Variants in RNF17 observed in about 807,000 individuals in gnomAD.
RNF17 encodes spermatogenesis associated 23.
RNF17 carries 31 observed loss-of-function variants against 200.5 expected under a neutral mutation model. That is an observed-to-expected ratio of 0.15 (90% CI 0.12 to 0.21). The LOEUF (loss-of-function observed/expected upper bound fraction) is 0.21, where lower values mean the gene tolerates loss of function less well. RNF17 is among the 10% of genes least tolerant of loss of function. The pLI is 1.00. For synonymous variants in RNF17, 606 were observed against 637.8 expected, an observed-to-expected ratio of 0.95 and a Z score of 0.75; for missense variants, 1,628 against 1,905.1, an observed-to-expected ratio of 0.85 and a Z score of 2.71.
intron 16 of RNF17, 161 bp downstream of exon 16, chr13:24,825,933 C>A (rs1191420881): frequency 1.0e-6 from 1 of 981,492 alleles, no homozygotes; most frequent in African/African-American, 1.8e-5. Flanking sequence ...AAAGGTGAAT[C>A]TATCTTCTGA....
At chr13:24,799,154 A>G (rs1884954206) in intron 11 of RNF17, among the ~76,000 whole-genome samples, 1 of 152,148 alleles carries the variant, frequency 6.6e-6, no homozygotes, top group Non-Finnish European at 1.5e-5. Context: ...GCTGGTTGTC[A>G]TTAAGTGACT....
At chr13:24,855,344 C>A (rs1892355645) in intron 25 of RNF17, among the ~76,000 whole-genome samples, 1 of 151,846 alleles carries the variant, frequency 6.6e-6, no homozygotes, top group Non-Finnish European at 1.5e-5. Context: ...AATTGGTAAT[C>A]ATTGGCCAGG....
rs769722259 is a variant in RNF17 at position 24,789,720 on chromosome 13, A to G, written c.883A>G (p.Ile295Val). 5.6e-6 allele frequency: 9 copies of G among 1,597,812 alleles called. No homozygotes were observed. The East Asian group carries it at 1.6e-4, about 28-fold the overall frequency. The change falls in exon 9 of 36, where the codon ATC becomes GTC. Residue 295 changes from isoleucine (I) to valine (V), a missense_variant. By Grantham distance (29) the Ile-to-Val change is conservative (BLOSUM62 3). This residue lies in a region of RNF17 where 502 missense variants were observed against 501.7 expected (regional missense o/e 1.00). Transcript: ENST00000255324. ...PPRLSVNCSE[I>V]ICMFNNMGKI... ...TAGGTTGAGTGTGAATTGCAGTGAG[A>G]TCATCTGTATGTTCAACAATATGGG... is the stretch of plus-strand genomic sequence containing the variant.
At chr13:24,805,695 A>C (rs1283183787) in intron 15 of RNF17, among the ~76,000 whole-genome samples, 1 of 152,178 alleles carries the variant, frequency 6.6e-6, no homozygotes, top group Admixed American at 6.5e-5. Flanking sequence ...CTCTGCTTTC[A>C]GTTCCTCTGG....
chr13:24,882,079 GATACATCTAT>G (rs1414159760), downstream of RNF17, among the ~76,000 whole-genome samples: 2 of 20,612 alleles, frequency 9.7e-5, no homozygotes, highest in Non-Finnish European at 2.2e-4. Flanking sequence ...TAGATATATA[GATACATCTAT>G]ATATATAGAT....
intron 1 of RNF17, among the ~76,000 whole-genome samples, chr13:24,764,585 G>A (rs1482330691): frequency 6.6e-6 from 1 of 152,250 alleles, no homozygotes; most frequent in African/African-American, 2.4e-5. Flanking sequence ...CTCCAGCCGG[G>A]AGGATGGGGG....
chr13:24,793,017 C>A, intron 9 of RNF17, 25 bp from the exon 10 acceptor site: 1 of 1,444,726 alleles, frequency 6.9e-7, no homozygotes, highest in Non-Finnish European at 9.5e-7. Flanking sequence ...GTATTCATAG[C>A]TTATATCTCT....
intron 13 of RNF17, among the ~76,000 whole-genome samples, chr13:24,801,750 G>A (rs548929004): frequency 2.0e-5 from 3 of 151,950 alleles, no homozygotes; most frequent in Non-Finnish European, 2.9e-5. Context: ...TTTATTTTAG[G>A]CATACCTATA....
chr13:24,762,117 C>A (rs557201274), upstream of RNF17, among the ~76,000 whole-genome samples: 2 of 152,162 alleles, frequency 1.3e-5, no homozygotes, highest in South Asian at 4.2e-4. Context: ...GCCTGTAATC[C>A]TAGCACTTTG....
intron 15 of RNF17, 100 bp downstream of exon 15, chr13:24,804,529 A>G (rs185411765): frequency 8.4e-6 from 7 of 838,002 alleles, no homozygotes; most frequent in African/African-American, 3.4e-5. Flanking sequence ...AGTCAGAGCA[A>G]ACGTACCACT....
At chr13:24,785,375 TC>T (rs1462010505) in intron 6 of RNF17, among the ~76,000 whole-genome samples, 1 of 152,240 alleles carries the variant, frequency 6.6e-6, no homozygotes, top group Non-Finnish European at 1.5e-5. Context: ...TTATGAATCT[TC>T]CGGGGTTTTT....
At chr13:24,822,450 C>T (rs1888179642) in intron 15 of RNF17, among the ~76,000 whole-genome samples, 2 of 151,306 alleles carry the variant, frequency 1.3e-5, no homozygotes. Flanking sequence ...GAGATGGAGT[C>T]TCACTGTGTG....
chr13:24,862,320 G>T lies in RNF17; in HGVS notation c.3895-393G>T, dbSNP rs191383938. Among the ~76,000 whole-genome samples, 567 of 152,318 alleles carry T rather than the reference G, an allele frequency of 3.7e-3. 2 individuals carry two copies. Among genetic ancestry groups the T allele is most frequent in the South Asian group, 0.014 (69 of 4,824 alleles). On this transcript the variant is annotated intron_variant, in intron 27 of 35. Transcript: ENST00000255324. ...GGCAGGAAGCCTCACTTCTCACCAT[G>T]TGAACCTCTCAACGCATAAAGACGC...
intron 1 of RNF17, among the ~76,000 whole-genome samples, chr13:24,764,885 TG>T (rs200365898): frequency 1.0e-5 from 1 of 99,600 alleles, no homozygotes; most frequent in Non-Finnish European, 2.0e-5. Context: ...GTGCACCTTG[TG>T]GGGTGTGTGT....
chr13:24,850,754 C>A (rs1351629157), intron 23 of RNF17, among the ~76,000 whole-genome samples: 1 of 151,798 alleles, frequency 6.6e-6, no homozygotes, highest in Non-Finnish European at 1.5e-5. Context: ...TTTTGTAGTT[C>A]TTTTGCTTTT....
chr13:24,885,616 T>C, the RNF17 span: 2 of 1,609,516 alleles, frequency 1.2e-6, no homozygotes, highest in African/African-American at 2.7e-5. Context: ...TTGTCCCTTA[T>C]CCAAATTGCC....
intron 4 of RNF17, among the ~76,000 whole-genome samples, 181 bp downstream of exon 4, chr13:24,778,587 G>A (rs1881907846): frequency 6.6e-6 from 1 of 152,150 alleles, no homozygotes; most frequent in African/African-American, 2.4e-5. Flanking sequence ...TTCTTCCAAG[G>A]CAGCCTGTTC....
At chr13:24,754,020 T>G in the RNF17 span, among the ~76,000 whole-genome samples, 3 of 151,900 alleles carry the variant, frequency 2.0e-5, no homozygotes, top group African/African-American at 4.8e-5. Context: ...TAGCCAGGTG[T>G]CGTGATGGGT....
chr13:24,759,079 C>CAAAAAAA, the RNF17 span, among the ~76,000 whole-genome samples: 6 of 65,346 alleles, frequency 9.2e-5, no homozygotes, highest in Admixed American at 2.0e-4. Flanking sequence ...ACTGTGTCTC[C>CAAAAAAA]AAAAAAAAAA....
Sources: allele counts gnomAD v4.1 joint callset (sites outside exome capture counted in the v4.1 genomes callset), GRCh38; gene constraint gnomAD v4.1.1; regional missense constraint gnomAD v4.1.1; transcripts MANE v1.5; gene names NCBI Gene and HGNC (gene_info 2026-07-23, HGNC 2026-07-21).